Variants in SLC22A15 observed in about 807,000 individuals in gnomAD.
The protein encoded by SLC22A15 is flipt 1.
In SLC22A15, 45 loss-of-function variants were observed where a neutral mutation model predicts 62.7. That is an observed-to-expected ratio of 0.72 (90% CI 0.56 to 0.92). SLC22A15 has a LOEUF of 0.92. SLC22A15 is among the 40% of genes least tolerant of loss of function. The pLI, the probability that SLC22A15 is intolerant of heterozygous loss-of-function variation, is 0.00. For missense variants in SLC22A15, 622 were observed against 665.6 expected (o/e 0.93, Z 0.72); for synonymous variants, 264 against 267.0 (o/e 0.99, Z 0.11).
chr1:116,063,215 A>T (rs1658424206), intron 9 of SLC22A15, among the ~76,000 whole-genome samples: 1 of 152,232 alleles, frequency 6.6e-6, no homozygotes, highest in Non-Finnish European at 1.5e-5. Context: ...TGCATCACAC[A>T]TCACAGACAT....
chr1:116,021,026 G>C (rs1365447415), intron 4 of SLC22A15, 141 bp downstream of exon 4: 22 of 737,698 alleles, frequency 3.0e-5, no homozygotes, highest in Non-Finnish European at 4.2e-5. Context: ...TTCTGATTTG[G>C]TTCTGTATGA....
At chr1:116,050,273 C>T (rs980496404) in intron 8 of SLC22A15, among the ~76,000 whole-genome samples, 1 of 152,082 alleles carries the variant, frequency 6.6e-6, no homozygotes, top group African/African-American at 2.4e-5. Flanking sequence ...ATACCAAAAC[C>T]AGGAAAGGAC....
chr1:116,010,117 G>A (rs1656178277), intron 2 of SLC22A15, among the ~76,000 whole-genome samples: 1 of 152,158 alleles, frequency 6.6e-6, no homozygotes, highest in Admixed American at 6.5e-5. Context: ...ATAGCTATTG[G>A]AGCGAATTTA....
intron 1 of SLC22A15, among the ~76,000 whole-genome samples, chr1:115,985,358 A>G (rs986195624): frequency 6.6e-6 from 1 of 152,142 alleles, no homozygotes; most frequent in African/African-American, 2.4e-5. Context: ...GAGGTTATAG[A>G]TCTAGGTTTG....
At chr1:116,061,331 T>G (rs1304031359) in intron 8 of SLC22A15, among the ~76,000 whole-genome samples, 1 of 152,138 alleles carries the variant, frequency 6.6e-6, no homozygotes, top group East Asian at 1.9e-4. Context: ...TTTGAGCTGC[T>G]TAGGGGAAGA....
chr1:116,055,618 A>T (rs745512263), intron 8 of SLC22A15, among the ~76,000 whole-genome samples: 7,403 of 151,040 alleles, frequency 0.049, 243 homozygotes, highest in African/African-American at 0.088. Flanking sequence ...AGAATTTTAG[A>T]CCAATATCCT....
intron 8 of SLC22A15, among the ~76,000 whole-genome samples, chr1:116,058,404 G>T (rs2101559008): frequency 6.6e-6 from 1 of 152,152 alleles, no homozygotes; most frequent in East Asian, 1.9e-4. Context: ...GCAAATGAAA[G>T]CCACAGTGCG....
chr1:116,038,963 A>G (rs1324091465), intron 8 of SLC22A15, among the ~76,000 whole-genome samples: 2 of 152,178 alleles, frequency 1.3e-5, no homozygotes, highest in African/African-American at 4.8e-5. Context: ...CTAGGACTCT[A>G]CATGTGGCCC....
intron 7 of SLC22A15, 86 bp downstream of exon 7, chr1:116,035,413 G>T: frequency 1.7e-6 from 2 of 1,190,710 alleles, no homozygotes; most frequent in South Asian, 3.8e-5. Flanking sequence ...ATATCTATAT[G>T]GTGTTGTCTT....
chr1:116,016,836 G>C (rs545879758), intron 2 of SLC22A15, among the ~76,000 whole-genome samples: 56 of 152,156 alleles, frequency 3.7e-4, no homozygotes, highest in African/African-American at 1.3e-3. Flanking sequence ...AGTCCATTCA[G>C]TTCTCTCCAT....
At chr1:116,013,223 C>T (rs939909478) in intron 2 of SLC22A15, among the ~76,000 whole-genome samples, 1 of 152,182 alleles carries the variant, frequency 6.6e-6, no homozygotes, top group Admixed American at 6.5e-5. Context: ...CCAGCCTTCT[C>T]CCTGTTGTTC....
chr1:116,041,691 T>C (rs1426443945), intron 8 of SLC22A15, among the ~76,000 whole-genome samples: 5 of 152,172 alleles, frequency 3.3e-5, no homozygotes, highest in African/African-American at 1.2e-4. Context: ...TGGAATTTGT[T>C]GAGCAAAATA....
chr1:116,046,225 G>A (rs1183201681), intron 8 of SLC22A15, among the ~76,000 whole-genome samples: 1 of 151,742 alleles, frequency 6.6e-6, no homozygotes, highest in African/African-American at 2.4e-5. Context: ...GACACCAAAA[G>A]CACAAAAAGA....
chr1:116,000,497 CTT>C lies in SLC22A15; in HGVS notation c.300+8255_300+8256del, dbSNP rs1655666890. 2.0e-5 allele frequency among the ~76,000 whole-genome samples: 3 copies of C among 152,028 alleles called. No individual in the cohort carries two copies. The South Asian group carries it at 6.2e-4, about 32-fold the overall frequency. On this transcript the variant is annotated intron_variant, in intron 2 of 11. Coordinates refer to ENST00000369503, the MANE Select transcript of SLC22A15 (RefSeq NM_018420.3). ...ATTATTATTTTTGATTGGTTCGTCT[CTT>C]AGTCTTCCTATTCAAGATATGCATA...
In SLC22A15 at chr1:116,047,281, G is replaced by A. The variant is rs143576755; in HGVS notation, c.1171+9893G>A. Reference sequence around the variant, plus strand: ...GTCTCTCCTAAAAATATAAAAATTAGCCAGGCATGGTGGCACGCAGCTGTA... The same window carrying A: ...GTCTCTCCTAAAAATATAAAAATTAACCAGGCATGGTGGCACGCAGCTGTA... On this transcript the variant is annotated intron_variant, in intron 8 of 11. Transcript: ENST00000369503. 7.6e-3 allele frequency among the ~76,000 whole-genome samples: 1,163 copies of A among 152,282 alleles called. 5 individuals are homozygous for A. Among genetic ancestry groups the A allele is most frequent in the Non-Finnish European group, 0.012 (831 of 68,038 alleles).
chr1:116,022,434 A>G (rs1656886402), intron 4 of SLC22A15, among the ~76,000 whole-genome samples: 1 of 152,196 alleles, frequency 6.6e-6, no homozygotes. Context: ...CTGAGGTCCA[A>G]AATTGTGCTC....
intron 8 of SLC22A15, among the ~76,000 whole-genome samples, chr1:116,038,006 T>G (rs1422395126): frequency 6.6e-6 from 1 of 152,262 alleles, no homozygotes; most frequent in African/African-American, 2.4e-5. Context: ...ACCTGATTAC[T>G]GCCCCTGTGT....
rs767646638 is a variant in SLC22A15 at position 116,020,741 on chromosome 1, T to C, written c.454T>C (p.Phe152Leu). 1.2e-6 allele frequency: 2 copies of C among 1,612,640 alleles called. No individual in the cohort carries two copies. The highest frequency in any genetic ancestry group is 1.7e-6 in the Non-Finnish European group (2 of 1,179,174). Residue 152 changes from phenylalanine to leucine, a missense_variant, in exon 4 of 12, where the codon TTT (phenylalanine) becomes CTT (leucine). Phe to Leu is a conservative substitution (Grantham distance 22). Coordinates refer to ENST00000369503, the MANE Select transcript of SLC22A15 (RefSeq NM_018420.3). The stretch of plus-strand genomic sequence containing the variant: ...TCTAGGTTTTGCTCTTGACATCTTA[T>C]TTGCAATTGCAAATGGATTTTCCCC... ...YLTGFALDIL[F>L]AIANGFSPSY...
intron 4 of SLC22A15, among the ~76,000 whole-genome samples, chr1:116,021,698 C>T (rs1656848264): frequency 1.3e-5 from 2 of 152,154 alleles, no homozygotes; most frequent in African/African-American, 4.8e-5. Context: ...TCTTATGTAC[C>T]AGCTACCATG....
Sources: allele counts gnomAD v4.1 joint callset (sites outside exome capture counted in the v4.1 genomes callset), GRCh38; gene constraint gnomAD v4.1.1; transcripts MANE v1.5; gene names NCBI Gene and HGNC (gene_info 2026-07-23, HGNC 2026-07-21).